SECISBP2L: variants seen among roughly 807,000 people sequenced by gnomAD.
SECISBP2L encodes selenocysteine insertion sequence-binding protein 2-like.
A neutral mutation model predicts 114.7 loss-of-function variants in SECISBP2L; 43 were observed. That is an observed-to-expected ratio of 0.38 (90% CI 0.29 to 0.48). SECISBP2L has a LOEUF of 0.48. Ranked by LOEUF, SECISBP2L falls within the 20% of genes least tolerant of loss-of-function variation. The pLI is 0.98. For synonymous variants in SECISBP2L, 451 were observed against 439.7 expected (o/e 1.03, Z -0.32); for missense variants, 1,136 against 1,301.1 (o/e 0.87, Z 1.95).
intron 4 of SECISBP2L, among the ~76,000 whole-genome samples, chr15:49,031,269 G>A (rs1046758107): frequency 1.8e-4 from 28 of 151,604 alleles, no homozygotes; most frequent in Non-Finnish European, 3.7e-4. Context: ...GGGTAGTCTC[G>A]AACTCCAGAC....
intron 1 of SECISBP2L, among the ~76,000 whole-genome samples, 191 bp downstream of exon 1, chr15:49,046,085 G>C (rs1202542538): frequency 1.3e-5 from 2 of 152,210 alleles, no homozygotes; most frequent in African/African-American, 4.8e-5. Flanking sequence ...AATCAGGGTT[G>C]GAAAAGCCCC....
rs1467432922 is a variant in SECISBP2L at position 48,992,165 on chromosome 15, CA to C, written c.*78del. 2 of 1,369,494 alleles carry C rather than the reference CA, an allele frequency of 1.5e-6. No homozygotes were observed. The highest frequency in any genetic ancestry group is 4.6e-5 in the Admixed American group (2 of 43,916). 84.8% of individuals were successfully genotyped at this position (1,369,494 alleles called of 1,614,324 possible). The stretch of plus-strand genomic sequence containing the variant: ...TACGTATATTAAATACTGGACAGTG[CA>C]AAATGTTGAGATGAAGCATAAAAGG... On this transcript the variant is annotated 3_prime_UTR_variant, in exon 18 of 18. Transcript: ENST00000559471.
intron 7 of SECISBP2L, among the ~76,000 whole-genome samples, chr15:49,021,715 A>T (rs1202935385): frequency 6.6e-6 from 1 of 152,206 alleles, no homozygotes; most frequent in African/African-American, 2.4e-5. Context: ...CTTTAAAAAC[A>T]AACGCAACCT....
In SECISBP2L at chr15:48,996,585, C is replaced by A; in HGVS notation, c.2405G>T (p.Ser802Ile). 6.2e-7 allele frequency: 1 copy of A among 1,610,374 alleles called. No individual in the cohort carries two copies. The highest frequency in any genetic ancestry group is 8.5e-7 in the Non-Finnish European group (1 of 1,178,586). Reference sequence around the variant, plus strand: ...GAGTTCTACTAATTTATTAAACAGGCTCTGAAAAGAAAGAGTATTTTGATT... The same window carrying A: ...GAGTTCTACTAATTTATTAAACAGGATCTGAAAAGAAAGAGTATTTTGATT... ...VGIFNYFGAE[S>I]LFNKLVELTE... Residue 802 changes from serine to isoleucine, a missense_variant and splice_region_variant, in exon 17 of 18, where the codon AGC becomes ATC. Ser to Ile is a moderately radical substitution (Grantham distance 142). Around this residue, in one of 2 missense-constraint regions of SECISBP2L, gnomAD observed 684 missense variants for 848.7 expected, o/e 0.81. Coordinates refer to ENST00000559471, the MANE Select transcript of SECISBP2L (RefSeq NM_001193489.2).
At chr15:49,036,635 T>A (rs889491219) in intron 2 of SECISBP2L, among the ~76,000 whole-genome samples, 1 of 152,264 alleles carries the variant, frequency 6.6e-6, no homozygotes, top group Non-Finnish European at 1.5e-5. Context: ...ATATTTAATA[T>A]CATGCTAACT....
intron 9 of SECISBP2L, 53 bp from the exon 10 acceptor site, chr15:49,017,068 TAAGG>T (rs1902552124): frequency 6.4e-7 from 1 of 1,569,334 alleles, no homozygotes; most frequent in Admixed American, 1.8e-5. Flanking sequence ...AAGTCAATCA[TAAGG>T]AAAAAGGATC....
intron 14 of SECISBP2L, among the ~76,000 whole-genome samples, chr15:49,002,272 C>T (rs776807834): frequency 2.0e-4 from 31 of 152,242 alleles, no homozygotes; most frequent in East Asian, 3.9e-4. Flanking sequence ...AGTATCTGCT[C>T]GTATCCTTCG....
intron 7 of SECISBP2L, among the ~76,000 whole-genome samples, chr15:49,024,496 CAAA>C (rs72031518): frequency 7.3e-5 from 6 of 82,754 alleles, no homozygotes; most frequent in Non-Finnish European, 1.4e-4. Flanking sequence ...GACTCTGTCT[CAAA>C]AAAAAAAAAA....
Position 49,046,414 on chromosome 15 carries a change from G to C in SECISBP2L, c.-115C>G, listed in dbSNP as rs912651771. 1 of 1,167,586 alleles carries C rather than the reference G, an allele frequency of 8.6e-7. No homozygotes were observed. Among genetic ancestry groups the C allele is most frequent in the African/African-American group, 1.6e-5 (1 of 61,386 alleles). The allele number at this position is 1,167,586 out of a possible 1,614,324, so 72.3% of individuals were successfully genotyped here. On this transcript the variant is annotated 5_prime_UTR_variant, in exon 1 of 18. Transcript: ENST00000559471. ...GGGTTCCGGACCTCCGCCCCTATCT[G>C]GCTGGCCGCGACACCGATTCGGCTA...
intron 7 of SECISBP2L, among the ~76,000 whole-genome samples, chr15:49,023,419 A>C (rs1255774443): frequency 2.6e-5 from 4 of 152,236 alleles, no homozygotes; most frequent in Non-Finnish European, 5.9e-5. Context: ...CTGAAAACGC[A>C]CTATATCTGA....
At chr15:49,041,849 C>A (rs1227107368) in intron 1 of SECISBP2L, among the ~76,000 whole-genome samples, 1 of 152,184 alleles carries the variant, frequency 6.6e-6, no homozygotes, top group Admixed American at 6.5e-5. Flanking sequence ...AAATAAATGT[C>A]CTCTGAAGGG....
chr15:49,040,493 G>A (rs1271429825), intron 1 of SECISBP2L, among the ~76,000 whole-genome samples: 1 of 148,816 alleles, frequency 6.7e-6, no homozygotes, highest in Admixed American at 6.7e-5. Flanking sequence ...GTTGTTCTCA[G>A]GACTGAAAAG....
chr15:49,039,510 ATTTCTTTTTTTTTTC>A (rs1903077228), intron 1 of SECISBP2L, among the ~76,000 whole-genome samples: 1 of 150,872 alleles, frequency 6.6e-6, no homozygotes, highest in Non-Finnish European at 1.5e-5. Context: ...AATTTTTAGG[ATTTCTTTTTTTTTTC>A]TTTCTTTTTT....
chr15:48,994,353 A>G (rs973426224), intron 17 of SECISBP2L, among the ~76,000 whole-genome samples: 1 of 152,172 alleles, frequency 6.6e-6, no homozygotes, highest in Non-Finnish European at 1.5e-5. Context: ...GTTCATTTGT[A>G]ACATCTTCGT....
At chr15:49,029,494 G>C (rs1902836913) in intron 4 of SECISBP2L, among the ~76,000 whole-genome samples, 1 of 152,094 alleles carries the variant, frequency 6.6e-6, no homozygotes, top group East Asian at 1.9e-4. Context: ...TTCAGATTCT[G>C]GTGCATGTGA....
At chr15:49,017,263 A>C (rs144951345) in intron 9 of SECISBP2L, among the ~76,000 whole-genome samples, 1 of 152,214 alleles carries the variant, frequency 6.6e-6, no homozygotes, top group African/African-American at 2.4e-5. Context: ...AAATACATCC[A>C]AAGTAAAATT....
chr15:49,030,067 C>G (rs917892669), intron 4 of SECISBP2L, among the ~76,000 whole-genome samples: 8 of 149,634 alleles, frequency 5.3e-5, no homozygotes, highest in Admixed American at 5.3e-4. Flanking sequence ...AAACAAAAAA[C>G]AAGACTCTCT....
intron 16 of SECISBP2L, among the ~76,000 whole-genome samples, chr15:48,997,379 G>A (rs1427910953): frequency 6.6e-6 from 1 of 152,182 alleles, no homozygotes; most frequent in African/African-American, 2.4e-5. Context: ...ATAATATGGA[G>A]AGCTAGGACC....
intron 13 of SECISBP2L, 129 bp downstream of exon 13, chr15:49,011,602 G>T: frequency 9.1e-7 from 1 of 1,104,182 alleles, no homozygotes; most frequent in Non-Finnish European, 1.3e-6. Context: ...CCACTCTGAA[G>T]AATAAAGAGA....
Sources: gnomAD v4.1 joint callset for allele counts (sites outside exome capture counted in the v4.1 genomes callset) on GRCh38, gnomAD v4.1.1 for gene constraint, gnomAD v4.1.1 regional missense constraint, MANE v1.5 for transcripts, NCBI Gene and HGNC (gene_info 2026-07-23, HGNC 2026-07-21) for gene names.